The following TNFRSF11B variants were observed in gnomAD, a reference collection of about 807,000 sequenced individuals.
TNFRSF11B encodes tumor necrosis factor receptor superfamily member 11B.
A neutral mutation model predicts 43.4 loss-of-function variants in TNFRSF11B; 16 were observed. The observed-to-expected ratio is 0.37, with a 90% CI of 0.25 to 0.56. The LOEUF is 0.56. Ranked by LOEUF, TNFRSF11B falls within the 20% of genes least tolerant of loss-of-function variation. The pLI, the probability that TNFRSF11B is intolerant of heterozygous loss-of-function variation, is 0.80. For synonymous variants in TNFRSF11B, 185 were observed against 181.8 expected, an observed-to-expected ratio of 1.02 and a Z score of -0.14; for missense variants, 444 against 490.1, an observed-to-expected ratio of 0.91 and a Z score of 0.89.
In TNFRSF11B at chr8:118,933,070, G is replaced by A. The variant is rs1313842934; in HGVS notation, c.261C>T (p.Cys87=). The change falls in exon 2 of 5, where the codon TGC becomes TGT. Residue 87 remains cysteine, a synonymous_variant. Coordinates refer to ENST00000297350, the MANE Select transcript of TNFRSF11B (RefSeq NM_002546.4). ...SDECLYCSPV[C]KELQYVKQEC... Reference sequence around the variant, plus strand: ...CCTGCTTGACGTACTGCAGCTCCTTGCACACGGGGCTGCAGTATAGACACT... The same window carrying A: ...CCTGCTTGACGTACTGCAGCTCCTTACACACGGGGCTGCAGTATAGACACT... 3 of 1,614,054 alleles carry A rather than the reference G, an allele frequency of 1.9e-6. No individual in the cohort carries two copies. Among genetic ancestry groups the A allele is most frequent in the Non-Finnish European group, 2.5e-6 (3 of 1,180,050 alleles).
At chr8:118,944,348 T>G (rs1010523137) in intron 1 of TNFRSF11B, among the ~76,000 whole-genome samples, 3 of 152,064 alleles carry the variant, frequency 2.0e-5, no homozygotes, top group African/African-American at 7.2e-5. Flanking sequence ...ACAAACAACT[T>G]TGGGAGGGCT....
chr8:118,933,007 C>T lies in TNFRSF11B; in HGVS notation c.324G>A (p.Lys108=). The change falls in exon 2 of 5, where the codon AAG becomes AAA. Residue 108 remains lysine (K), a synonymous_variant. Coordinates refer to ENST00000297350, the MANE Select transcript of TNFRSF11B (RefSeq NM_002546.4). ...ACTCTATCTCAAGGTAGCGCCCTTC[C>T]TTGCATTCGCACACGCGGTTGTGGG... The part of the protein sequence containing the change: ...NRTHNRVCEC[K]EGRYLEIEFC... 2 of 1,614,218 alleles carry T rather than the reference C, an allele frequency of 1.2e-6. No individual in the cohort carries two copies. The highest frequency in any genetic ancestry group is 1.7e-6 in the Non-Finnish European group (2 of 1,180,036).
intron 2 of TNFRSF11B, 105 bp downstream of exon 2, chr8:118,932,826 A>G (rs1812347859): frequency 6.7e-7 from 1 of 1,489,122 alleles, no homozygotes; most frequent in South Asian, 1.2e-5. Context: ...TACCTTTGCA[A>G]TTTGCTATCC....
chr8:118,940,770 C>G (rs1812474623), intron 1 of TNFRSF11B, among the ~76,000 whole-genome samples: 1 of 152,068 alleles, frequency 6.6e-6, no homozygotes, highest in Non-Finnish European at 1.5e-5. Context: ...AAAAAAGCAC[C>G]TTGGACATGT....
rs1812352165 is a variant in TNFRSF11B, at chr8:118,933,120, T to C, written c.211A>G (p.Thr71Ala). ...TCGTCACTGGTGTGCCAGCTGTCTGTGTAGTAGTGGTCAGGGCAAGGGGCG... is the reference window on the plus strand; with the variant it reads ...TCGTCACTGGTGTGCCAGCTGTCTGCGTAGTAGTGGTCAGGGCAAGGGGCG... ...VCAPCPDHYYTDSWHTSDECL... is the reference protein window; with the variant it reads ...VCAPCPDHYYADSWHTSDECL... Residue 71 changes from threonine (T) to alanine (A), a missense_variant, in exon 2 of 5, where the codon ACA (threonine) becomes GCA (alanine). Physicochemically the swap from Thr to Ala is moderately conservative, Grantham distance 58. Coordinates refer to ENST00000297350, the MANE Select transcript of TNFRSF11B (RefSeq NM_002546.4). 1 of 1,614,036 alleles carries C rather than the reference T, an allele frequency of 6.2e-7. No homozygotes were observed. The highest frequency in any genetic ancestry group is 1.3e-5 in the African/African-American group (1 of 74,894).
chr8:118,937,815 A>T (rs2129906214), intron 1 of TNFRSF11B, among the ~76,000 whole-genome samples: 1 of 152,338 alleles, frequency 6.6e-6, no homozygotes, highest in South Asian at 2.1e-4. Context: ...CCAAAGCTGA[A>T]TGGATGGGTA....
At chr8:118,936,043 A>T (rs558012282) in intron 1 of TNFRSF11B, among the ~76,000 whole-genome samples, 2 of 152,348 alleles carry the variant, frequency 1.3e-5, no homozygotes, top group Admixed American at 6.5e-5. Flanking sequence ...GAAGCCGTAT[A>T]AATACAGATA....
intron 1 of TNFRSF11B, among the ~76,000 whole-genome samples, chr8:118,939,164 A>G (rs1014060157): frequency 6.6e-6 from 1 of 152,178 alleles, no homozygotes; most frequent in Admixed American, 6.5e-5. Flanking sequence ...TCTCGGTACT[A>G]TGAGTTATGA....
intron 1 of TNFRSF11B, 58 bp downstream of exon 1, chr8:118,951,734 C>A: frequency 6.6e-7 from 1 of 1,523,008 alleles, no homozygotes. Context: ...GGTTGGGAGA[C>A]CAGGTGGCAG....
intron 4 of TNFRSF11B, among the ~76,000 whole-genome samples, chr8:118,925,482 C>T (rs529985171): frequency 1.2e-4 from 18 of 152,280 alleles, no homozygotes; most frequent in African/African-American, 9.6e-5. Flanking sequence ...TCTTTTCTTT[C>T]GGCTTCAGGG....
Position 118,928,847 on chromosome 8 carries a change from T to C in TNFRSF11B, c.483A>G (p.Arg161=), listed in dbSNP as rs140021481. The change falls in exon 3 of 5, where the codon AGA becomes AGG. Residue 161 remains arginine, a synonymous_variant. Transcript: ENST00000297350. ...CAAAGACACTGCAATTTGTGTGTTT[T>C]CTACAGGGTGCTTTAGATGACGTCT... ...SNETSSKAPC[R]KHTNCSVFGL... 1.9e-4 allele frequency: 300 copies of C among 1,614,246 alleles called. No homozygotes were observed. The highest frequency in any genetic ancestry group is 2.3e-4 in the Non-Finnish European group (270 of 1,180,040).
At chr8:118,928,271 C>G (rs1047358034) in intron 3 of TNFRSF11B, among the ~76,000 whole-genome samples, 1 of 147,572 alleles carries the variant, frequency 6.8e-6, no homozygotes, top group African/African-American at 2.5e-5. Context: ...ATCTGCCTAC[C>G]TTGGCCCCCC....
intron 3 of TNFRSF11B, among the ~76,000 whole-genome samples, chr8:118,928,345 A>G (rs573138303): frequency 6.6e-5 from 10 of 152,202 alleles, no homozygotes; most frequent in Non-Finnish European, 7.4e-5. Flanking sequence ...TGTTTATATC[A>G]CTTTGCTTCT....
intron 4 of TNFRSF11B, among the ~76,000 whole-genome samples, chr8:118,926,155 T>A (rs1812241454): frequency 6.6e-6 from 1 of 152,188 alleles, no homozygotes; most frequent in Non-Finnish European, 1.5e-5. Flanking sequence ...TTATAGAGCT[T>A]CTCCTTGGTG....
chr8:118,939,303 C>T (rs1229991346), intron 1 of TNFRSF11B, among the ~76,000 whole-genome samples: 3 of 152,166 alleles, frequency 2.0e-5, no homozygotes, highest in Non-Finnish European at 2.9e-5. Flanking sequence ...CTTATTGAAA[C>T]AATTGCTATG....
rs1236957021 is a variant in TNFRSF11B, at chr8:118,924,244, G to C, written c.*130C>G. ...TTTCTCCACATCATAGTTTCTTTTA[G>C]TACCCTGTGGCAAAATTAGTCACTG... On this transcript the variant is annotated 3_prime_UTR_variant, in exon 5 of 5. Transcript: ENST00000297350. 9.8e-7 allele frequency: 1 copy of C among 1,024,440 alleles called. No individual in the cohort carries two copies. Among genetic ancestry groups the C allele is most frequent in the Non-Finnish European group, 1.5e-6 (1 of 662,890 alleles). 63.5% of individuals were successfully genotyped at this position (1,024,440 alleles called of 1,614,324 possible). A position where few individuals can be genotyped will look rare whatever the true frequency, so the allele number is the denominator to read the frequency against.
intron 1 of TNFRSF11B, among the ~76,000 whole-genome samples, chr8:118,944,606 T>G (rs1812532124): frequency 6.6e-6 from 1 of 151,972 alleles, no homozygotes; most frequent in African/African-American, 2.4e-5. Flanking sequence ...ACAATCTAGT[T>G]TTTTTTTCTT....
rs988848624 is a variant in TNFRSF11B at position 118,923,612 on chromosome 8, A to C, written c.*762T>G. 6.6e-6 allele frequency: 1 copy of C among 152,614 alleles called. No homozygotes were observed. The highest frequency in any genetic ancestry group is 2.4e-5 in the African/African-American group (1 of 41,448). 9.5% of individuals were successfully genotyped at this position (152,614 alleles called of 1,614,324 possible). ...CATTTATATAGTTATAAAACCATAAAATCTTTTAAATAAGGTACATTCAAT... is the reference window on the plus strand; with the variant it reads ...CATTTATATAGTTATAAAACCATAACATCTTTTAAATAAGGTACATTCAAT... On this transcript the variant is annotated 3_prime_UTR_variant, in exon 5 of 5. Transcript: ENST00000297350.
At chr8:118,931,136 A>G (rs932412570) in intron 2 of TNFRSF11B, among the ~76,000 whole-genome samples, 2 of 152,230 alleles carry the variant, frequency 1.3e-5, no homozygotes, top group African/African-American at 4.8e-5. Context: ...TAAAATATGG[A>G]GAGGAGACAA....
Sources: allele counts gnomAD v4.1 joint callset (sites outside exome capture counted in the v4.1 genomes callset), GRCh38; gene constraint gnomAD v4.1.1; transcripts MANE v1.5; gene names NCBI Gene and HGNC (gene_info 2026-07-23, HGNC 2026-07-21).